The following OTC variants were observed in gnomAD, a reference collection of about 807,000 sequenced individuals.
OTC encodes ornithine transcarbamylase, mitochondrial.
Under a neutral mutation model 30.3 loss-of-function variants are expected in OTC, and 3 were observed. That is an observed-to-expected ratio of 0.10 (90% CI 0.05 to 0.26). The LOEUF (loss-of-function observed/expected upper bound fraction) is 0.26, where lower values mean the gene tolerates loss of function less well. OTC is among the 10% of genes least tolerant of loss of function. The probability of loss-of-function intolerance (pLI) is 1.00; values close to 1 mark genes in which losing one functional copy is unlikely to be tolerated. For missense variants in OTC, 194 were observed against 260.3 expected (o/e 0.75, Z 1.75); for synonymous variants, 111 against 99.7 (o/e 1.11, Z -0.67).
the OTC span, among the ~76,000 whole-genome samples, chrX:38,347,419 G>A: frequency 9.0e-6 from 1 of 111,596 alleles, no homozygotes. Context: ...CTCAGACAAA[G>A]ATACAAGCTT....
intron 3 of OTC, among the ~76,000 whole-genome samples, chrX:38,379,896 A>G (rs1366363409): frequency 9.8e-5 from 11 of 111,860 alleles, no homozygotes; most frequent in African/African-American, 3.6e-4. Flanking sequence ...TTTACTTTTT[A>G]TAGTGAAACT....
At chrX:38,401,186 T>C in intron 4 of OTC, 89 bp from the exon 5 acceptor site, 1 of 684,026 alleles carries the variant, frequency 1.5e-6, no homozygotes. Flanking sequence ...TATTTATTAG[T>C]ATTTCTTGTT....
chrX:38,339,881 TTATC>T, the OTC span, among the ~76,000 whole-genome samples: 11 of 111,799 alleles, frequency 9.8e-5, no homozygotes, highest in African/African-American at 3.6e-4. Context: ...TTTACATTTC[TTATC>T]TATCTAATTA....
rs911899035 is a variant in OTC, at chrX:38,389,926, T to C, written c.386+8497T>C. ...ACAGAAGAAATTCAAGTAATGTTGG[T>C]TGAATCAAGTTATGATCTAACCCAA... On this transcript the variant is annotated intron_variant, in intron 4 of 9. Transcript: ENST00000039007. Among the ~76,000 whole-genome samples the C allele has an allele frequency of 2.7e-5, 3 of 111,874 alleles. No individual in the cohort carries two copies. The Admixed American group carries it at 2.8e-4, about 11-fold the overall frequency.
intron 3 of OTC, among the ~76,000 whole-genome samples, chrX:38,375,923 A>G (rs1173977529): frequency 4.5e-5 from 5 of 111,867 alleles, no homozygotes; most frequent in Non-Finnish European, 9.4e-5. Flanking sequence ...CAAGAAAAAT[A>G]GAAGGAACCA....
intron 1 of OTC, among the ~76,000 whole-genome samples, chrX:38,360,954 G>A (rs1374284557): frequency 8.9e-6 from 1 of 112,129 alleles, no homozygotes; most frequent in Non-Finnish European, 1.9e-5. Context: ...AGAGTATATA[G>A]CTGTGCTGCC....
At chrX:38,365,211 C>T (rs1374706331) in intron 1 of OTC, among the ~76,000 whole-genome samples, 1 of 112,925 alleles carries the variant, frequency 8.9e-6, no homozygotes, top group African/African-American at 3.2e-5. Context: ...ATGTTTAGTA[C>T]ACGTGGTGAA....
At chrX:38,410,700 A>G (rs1190446376) in intron 8 of OTC, among the ~76,000 whole-genome samples, 4 of 112,285 alleles carry the variant, frequency 3.6e-5, no homozygotes, top group Non-Finnish European at 5.6e-5. Context: ...TTTAAATTAT[A>G]TAAATTGCTT....
In OTC at chrX:38,367,185, AAAAG is replaced by A. The variant is rs771404957; in HGVS notation, c.78-102_78-99del. ...GTGAGAACCTGTCTCAAAAAAAAAA[AAAAG>A]AAAAGAAAAGAATGCCTTATCAACA... On this transcript the variant is annotated intron_variant, in intron 1 of 9. Transcript: ENST00000039007. 1.3e-3 allele frequency: 915 copies of A among 697,656 alleles called. 5 individuals carry two copies. In the African/African-American group the frequency reaches 0.017, roughly 13 times the overall value. 57.5% of individuals were successfully genotyped at this position (697,656 alleles called of 1,213,427 possible).
chrX:38,409,493 C>T (rs2068533051), intron 8 of OTC, among the ~76,000 whole-genome samples: 1 of 112,420 alleles, frequency 8.9e-6, no homozygotes, highest in Non-Finnish European at 1.9e-5. Context: ...GGCTGTCTTC[C>T]AGTAAGATCT....
intron 9 of OTC, among the ~76,000 whole-genome samples, chrX:38,416,906 G>C: frequency 8.9e-6 from 1 of 111,837 alleles, no homozygotes; most frequent in South Asian, 3.7e-4. Flanking sequence ...GAAGTTTACA[G>C]TGTCTTTTAC....
intron 5 of OTC, 23 bp from the exon 6 acceptor site, chrX:38,403,595 C>G: frequency 8.3e-7 from 1 of 1,207,005 alleles, no homozygotes; most frequent in Non-Finnish European, 1.1e-6. Context: ...TGGATTTCAT[C>G]TCCTTCATCC....
chrX:38,349,453 T>C (rs1339684096), upstream of OTC, among the ~76,000 whole-genome samples: 5 of 112,689 alleles, frequency 4.4e-5, no homozygotes, highest in Admixed American at 9.3e-5. Flanking sequence ...AATAGATTAA[T>C]GTGGTTATCA....
intron 4 of OTC, among the ~76,000 whole-genome samples, chrX:38,384,578 T>A (rs1465088225): frequency 8.9e-6 from 1 of 112,223 alleles, no homozygotes; most frequent in East Asian, 2.8e-4. Context: ...TCGCTTCCTT[T>A]GCTTTTTGTA....
At chrX:38,405,653 T>C (rs988892427) in intron 6 of OTC, among the ~76,000 whole-genome samples, 1 of 112,032 alleles carries the variant, frequency 8.9e-6, no homozygotes, top group Non-Finnish European at 1.9e-5. Flanking sequence ...AGAAAAAATG[T>C]ACTGCATGCA....
chrX:38,344,829 G>A, the OTC span, among the ~76,000 whole-genome samples: 2 of 110,486 alleles, frequency 1.8e-5, no homozygotes, highest in East Asian at 5.6e-4. Context: ...TCCAATAAAA[G>A]TGTTGTATCC....
chrX:38,398,509 T>G (rs1252958853), intron 4 of OTC, among the ~76,000 whole-genome samples: 1 of 111,720 alleles, frequency 9.0e-6, no homozygotes, highest in Non-Finnish European at 1.9e-5. Flanking sequence ...TAATCCAGAC[T>G]TTTTTTATTT....
chrX:38,331,459 GTTTTT>G, the OTC span, among the ~76,000 whole-genome samples: 1 of 54,621 alleles, frequency 1.8e-5, no homozygotes, highest in Non-Finnish European at 3.7e-5. Flanking sequence ...TTTTTTGTTT[GTTTTT>G]TTAGAGATGG....
intron 4 of OTC, among the ~76,000 whole-genome samples, chrX:38,394,807 T>C (rs1186908868): frequency 9.0e-6 from 1 of 111,022 alleles, no homozygotes; most frequent in African/African-American, 3.3e-5. Context: ...AATAAGACCT[T>C]GGTAGAGTTA....
Sources: allele counts gnomAD v4.1 joint callset (sites outside exome capture counted in the v4.1 genomes callset), GRCh38; gene constraint gnomAD v4.1.1; transcripts MANE v1.5; gene names NCBI Gene and HGNC (gene_info 2026-07-23, HGNC 2026-07-21).